AKT3: variants seen among roughly 807,000 people sequenced by gnomAD.
The protein encoded by AKT3 is AKT serine/threonine kinase 3, also known as RAC-gamma serine/threonine-protein kinase.
Under a neutral mutation model 65.3 loss-of-function variants are expected in AKT3, and 15 were observed. That is an observed-to-expected ratio of 0.23 (90% CI 0.15 to 0.35). The LOEUF is 0.35. AKT3 is among the 10% of genes least tolerant of loss of function. The pLI is 1.00. For missense variants in AKT3, 243 were observed against 576.5 expected, an observed-to-expected ratio of 0.42 and a Z score of 5.92; for synonymous variants, 206 against 183.8, an observed-to-expected ratio of 1.12 and a Z score of -0.98.
chr1:243,643,764 T>C (rs1294193344), intron 5 of AKT3, among the ~76,000 whole-genome samples: 1 of 152,250 alleles, frequency 6.6e-6, no homozygotes, highest in Non-Finnish European at 1.5e-5. Context: ...TTTAATCCTA[T>C]TGCCATTTGG....
chr1:243,720,192 G>A (rs771869982), intron 2 of AKT3, among the ~76,000 whole-genome samples: 4 of 152,056 alleles, frequency 2.6e-5, no homozygotes, highest in African/African-American at 4.8e-5. Flanking sequence ...CCAGCAACTC[G>A]GGAGGCTGAG....
intron 2 of AKT3, among the ~76,000 whole-genome samples, chr1:243,713,006 C>A (rs1686256621): frequency 6.6e-6 from 1 of 152,168 alleles, no homozygotes. Context: ...CTTTGTTTCA[C>A]AACTAACGAC....
intron 2 of AKT3, among the ~76,000 whole-genome samples, chr1:243,832,120 T>TAAAAAAAAAAAA (rs869235352): frequency 4.5e-5 from 2 of 44,756 alleles, no homozygotes; most frequent in Non-Finnish European, 7.9e-5. Flanking sequence ...TCCCTAAAAC[T>TAAAAAAAAAAAA]AAAAAAAAAA....
At chr1:243,630,971 CCT>C (rs1491338657) in intron 6 of AKT3, among the ~76,000 whole-genome samples, 1 of 110,804 alleles carries the variant, frequency 9.0e-6, no homozygotes, top group Non-Finnish European at 2.3e-5. Context: ...AACCAAATAG[CCT>C]CTTTTTTTTT....
intron 6 of AKT3, among the ~76,000 whole-genome samples, chr1:243,621,084 T>C (rs1324977162): frequency 1.3e-5 from 2 of 152,140 alleles, no homozygotes; most frequent in East Asian, 3.8e-4. Context: ...GGATGGTTGT[T>C]TCAAATCTTT....
intron 3 of AKT3, among the ~76,000 whole-genome samples, chr1:243,686,645 ATATATATTTTTTTTTTTTTTTT>A (rs1329026616): frequency 2.7e-4 from 6 of 22,008 alleles, no homozygotes; most frequent in African/African-American, 8.0e-4. Context: ...ATATATATAT[ATATATATTTTTTTTTTTTTTTT>A]TTTTTTTTTT....
At chr1:243,827,686 T>A (rs1166006807) in intron 2 of AKT3, among the ~76,000 whole-genome samples, 1 of 152,174 alleles carries the variant, frequency 6.6e-6, no homozygotes, top group Admixed American at 6.5e-5. Flanking sequence ...GAAAAAAATG[T>A]ATGTACGTAC....
intron 5 of AKT3, among the ~76,000 whole-genome samples, chr1:243,640,799 G>A (rs1680322369): frequency 6.6e-6 from 1 of 152,148 alleles, no homozygotes; most frequent in South Asian, 2.1e-4. Context: ...AAAATCATGA[G>A]ATATTTACAT....
chr1:243,706,197 C>G (rs892417152), intron 2 of AKT3, among the ~76,000 whole-genome samples: 1 of 152,190 alleles, frequency 6.6e-6, no homozygotes, highest in Non-Finnish European at 1.5e-5. Context: ...CTAAATAAAC[C>G]TACCACCATT....
intron 2 of AKT3, among the ~76,000 whole-genome samples, chr1:243,804,781 A>G (rs2148377589): frequency 6.6e-6 from 1 of 151,792 alleles, no homozygotes; most frequent in East Asian, 1.9e-4. Flanking sequence ...TGGGAGGTGG[A>G]GCTTGTAGTG....
intron 6 of AKT3, among the ~76,000 whole-genome samples, chr1:243,626,237 AT>A (rs2148631998): frequency 6.6e-6 from 1 of 152,316 alleles, no homozygotes; most frequent in Admixed American, 6.5e-5. Context: ...ATAAGACTGA[AT>A]CACAAGTGAA....
chr1:243,832,348 T>A (rs906178285), intron 2 of AKT3, among the ~76,000 whole-genome samples: 1 of 151,994 alleles, frequency 6.6e-6, no homozygotes, highest in African/African-American at 2.4e-5. Context: ...CTCACAAACT[T>A]CTTCTCCTCA....
chr1:243,608,252 A>C (rs1420783351), intron 8 of AKT3, among the ~76,000 whole-genome samples: 5 of 152,148 alleles, frequency 3.3e-5, no homozygotes, highest in Admixed American at 6.5e-5. Flanking sequence ...TGACTTCAAC[A>C]TTGCTACATG....
chr1:243,827,782 AC>A (rs1694260030), intron 2 of AKT3, among the ~76,000 whole-genome samples: 1 of 152,158 alleles, frequency 6.6e-6, no homozygotes, highest in Admixed American at 6.5e-5. Context: ...CTAGAAAGCA[AC>A]TATTAGAACT....
intron 2 of AKT3, among the ~76,000 whole-genome samples, chr1:243,759,848 A>G (rs1407945991): frequency 6.6e-6 from 1 of 152,242 alleles, no homozygotes; most frequent in African/African-American, 2.4e-5. Flanking sequence ...TGAATAATTC[A>G]GATGAATACT....
At chr1:243,664,412 G>T (rs1310569469) in intron 4 of AKT3, among the ~76,000 whole-genome samples, 1 of 151,542 alleles carries the variant, frequency 6.6e-6, no homozygotes, top group Non-Finnish European at 1.5e-5. Context: ...CACCTTGTCA[G>T]CCAGGATAGT....
chr1:243,576,233 C>T (rs1032412758), intron 8 of AKT3, among the ~76,000 whole-genome samples: 3 of 152,024 alleles, frequency 2.0e-5, no homozygotes, highest in South Asian at 2.1e-4. Context: ...AAGGAACATA[C>T]ATCAAAATAA....
At chr1:243,752,553 AAAC>A (rs1688873076) in intron 2 of AKT3, among the ~76,000 whole-genome samples, 1 of 152,352 alleles carries the variant, frequency 6.6e-6, no homozygotes, top group African/African-American at 2.4e-5. Context: ...TAATTTTCTA[AAAC>A]AACCTCATTT....
At chr1:243,809,018 G>A (rs1692941298) in intron 2 of AKT3, among the ~76,000 whole-genome samples, 1 of 152,144 alleles carries the variant, frequency 6.6e-6, no homozygotes, top group South Asian at 2.1e-4. Flanking sequence ...CCCTAAAAGA[G>A]CTCCTGAAGG....
Sources: allele counts gnomAD v4.1 joint callset (sites outside exome capture counted in the v4.1 genomes callset), GRCh38; gene constraint gnomAD v4.1.1; transcripts MANE v1.5; gene names NCBI Gene and HGNC (gene_info 2026-07-23, HGNC 2026-07-21).